C19orf18: variants seen among roughly 807,000 people sequenced by gnomAD.
C19orf18 encodes the protein chromosome 19 open reading frame 18.
C19orf18 carries 21 observed loss-of-function variants against 23.3 expected under a neutral mutation model. The ratio of observed to expected loss-of-function variants is 0.90; its 90% confidence interval spans 0.64 to 1.30. The LOEUF (loss-of-function observed/expected upper bound fraction) is 1.30. Among genes scored for constraint, C19orf18 ranks in the 50% most tolerant of loss-of-function variants. The pLI, the probability that C19orf18 is intolerant of heterozygous loss-of-function variation, is 0.00. For synonymous variants in C19orf18, 96 were observed against 95.2 expected (o/e 1.01, Z -0.05); for missense variants, 249 against 259.6 (o/e 0.96, Z 0.28).
At chr19:57,960,343 G>A (rs954165141) in intron 5 of C19orf18, among the ~76,000 whole-genome samples, 2 of 148,950 alleles carry the variant, frequency 1.3e-5, no homozygotes, top group African/African-American at 2.5e-5. Context: ...GGAGAATGGC[G>A]TGAACCCGGG....
intron 3 of C19orf18, among the ~76,000 whole-genome samples, chr19:57,971,912 T>C (rs1381545432): frequency 6.6e-6 from 1 of 152,182 alleles, no homozygotes; most frequent in Non-Finnish European, 1.5e-5. Flanking sequence ...TGTGTCTGCA[T>C]GTCTCACTCA....
At chr19:57,970,009 G>A (rs931139587) in intron 3 of C19orf18, among the ~76,000 whole-genome samples, 3 of 152,054 alleles carry the variant, frequency 2.0e-5, no homozygotes, top group South Asian at 2.1e-4. Context: ...TGCCAATACA[G>A]TTATGAGACA....
chr19:57,964,750 T>C (rs2072896918), intron 4 of C19orf18, among the ~76,000 whole-genome samples: 1 of 152,286 alleles, frequency 6.6e-6, no homozygotes, highest in Non-Finnish European at 1.5e-5. Flanking sequence ...ATCTCACACA[T>C]GGCAATATAT....
At chr19:57,969,554 TAAAAAAAAACAGA>T (rs2072929821) in intron 3 of C19orf18, among the ~76,000 whole-genome samples, 1 of 44,998 alleles carries the variant, frequency 2.2e-5, no homozygotes, top group Non-Finnish European at 3.9e-5. Context: ...GACTCTGTCT[TAAAAAAAAACAGA>T]AAAAAAAAAA....
At chr19:57,960,425 CAA>C (rs34335308) in intron 5 of C19orf18, among the ~76,000 whole-genome samples, 31,889 of 93,726 alleles carry the variant, frequency 0.34, 3,617 homozygotes, top group African/African-American at 0.41. Context: ...GACTCCGCCT[CAA>C]AAAAAAAAAA....
chr19:57,966,210 C>T (rs1298352178), intron 4 of C19orf18, among the ~76,000 whole-genome samples: 3 of 152,120 alleles, frequency 2.0e-5, no homozygotes, highest in Non-Finnish European at 2.9e-5. Flanking sequence ...ATCTCCTGAC[C>T]TCATGATCCA....
At chr19:57,965,117 T>TTTTTTTTATTTA (rs1555787181) in intron 4 of C19orf18, among the ~76,000 whole-genome samples, 13 of 146,036 alleles carry the variant, frequency 8.9e-5, no homozygotes, top group African/African-American at 3.3e-4. Context: ...GTTCTTTTTA[T>TTTTTTTTATTTA]TTTATTTATT....
intron 2 of C19orf18, among the ~76,000 whole-genome samples, 183 bp from the exon 3 acceptor site, chr19:57,972,687 G>T (rs1182253427): frequency 6.6e-6 from 1 of 152,172 alleles, no homozygotes; most frequent in Non-Finnish European, 1.5e-5. Context: ...GGGTTAATTT[G>T]CAGAAGCCTG....
intron 2 of C19orf18, among the ~76,000 whole-genome samples, chr19:57,973,142 T>A (rs2072957613): frequency 1.6e-5 from 1 of 61,326 alleles, no homozygotes; most frequent in African/African-American, 6.9e-5. Flanking sequence ...TGAGACTCCG[T>A]CTCAAAAAAA....
chr19:57,961,645 T>C, intron 4 of C19orf18, 94 bp from the exon 5 acceptor site: 1 of 1,397,478 alleles, frequency 7.2e-7, no homozygotes, highest in East Asian at 2.3e-5. Flanking sequence ...AAGGAGTCGC[T>C]TGTGGAGTGG....
chr19:57,973,539 C>A (rs1019763194), intron 2 of C19orf18, among the ~76,000 whole-genome samples: 2 of 151,960 alleles, frequency 1.3e-5, no homozygotes, highest in Non-Finnish European at 2.9e-5. Context: ...TCCTGGCTAA[C>A]ACAGTGAAAC....
chr19:57,958,720 AAAATGTAG>A lies in C19orf18; in HGVS notation c.533-11_533-4del. 1 of 1,446,600 alleles carries A rather than the reference AAAATGTAG, an allele frequency of 6.9e-7. No homozygotes were observed. Among genetic ancestry groups the A allele is most frequent in the Non-Finnish European group, 9.6e-7 (1 of 1,045,224 alleles). The allele number at this position is 1,446,600 out of a possible 1,614,324, so 89.6% of individuals were successfully genotyped here. ...TTTGCTTCTTTTTGATATAATAACT[AAAATGTAG>A]AAATGATGTTATTGAGATAGTAATA... On this transcript the variant is annotated splice_polypyrimidine_tract_variant and splice_region_variant and intron_variant, in intron 5 of 5. Transcript: ENST00000314391.
intron 2 of C19orf18, among the ~76,000 whole-genome samples, chr19:57,973,548 A>T (rs1000145483): frequency 3.9e-5 from 6 of 151,956 alleles, no homozygotes; most frequent in African/African-American, 2.4e-5. Flanking sequence ...ACACAGTGAA[A>T]CCCTGTCTCT....
intron 4 of C19orf18, among the ~76,000 whole-genome samples, chr19:57,964,196 G>C (rs1284358043): frequency 1.3e-5 from 2 of 152,162 alleles, no homozygotes; most frequent in African/African-American, 4.8e-5. Context: ...TGAGTGTCCA[G>C]GAGATATGTT....
chr19:57,960,374 T>C (rs2072858995), intron 5 of C19orf18, among the ~76,000 whole-genome samples: 1 of 138,328 alleles, frequency 7.2e-6, no homozygotes, highest in Non-Finnish European at 1.5e-5. Flanking sequence ...TGCAGCGAGC[T>C]GAGATCATGC....
chr19:57,974,471 G>A lies in C19orf18; in HGVS notation c.-39C>T. 1.2e-6 allele frequency: 2 copies of A among 1,608,854 alleles called. No homozygotes were observed. Among genetic ancestry groups the A allele is most frequent in the Non-Finnish European group, 1.7e-6 (2 of 1,176,902 alleles). ...TCAGTATTTTATCCCGTAGATGAAA[G>A]GAAATACTTAGCTACAGTCCAGCAT... On this transcript the variant is annotated 5_prime_UTR_variant, in exon 1 of 6. Transcript: ENST00000314391.
At chr19:57,969,913 T>A (rs1179530661) in intron 3 of C19orf18, among the ~76,000 whole-genome samples, 1 of 152,018 alleles carries the variant, frequency 6.6e-6, no homozygotes, top group Non-Finnish European at 1.5e-5. Flanking sequence ...GCATTGTTTT[T>A]ATGAGAACTG....
chr19:57,972,557 A>T, intron 2 of C19orf18, 53 bp from the exon 3 acceptor site: 2 of 1,588,152 alleles, frequency 1.3e-6, no homozygotes, highest in Non-Finnish European at 1.7e-6. Context: ...ATGGTTTAAG[A>T]TGAACTTGGG....
At chr19:57,971,053 T>C (rs1417697488) in intron 3 of C19orf18, among the ~76,000 whole-genome samples, 1 of 152,146 alleles carries the variant, frequency 6.6e-6, no homozygotes, top group Non-Finnish European at 1.5e-5. Context: ...GCTTTGGTGA[T>C]GGTGGTGTCA....
Sources: allele counts gnomAD v4.1 joint callset (sites outside exome capture counted in the v4.1 genomes callset), GRCh38; gene constraint gnomAD v4.1.1; transcripts MANE v1.5; gene names NCBI Gene and HGNC (gene_info 2026-07-23, HGNC 2026-07-21).